The following LRRIQ1 variants were observed in gnomAD, a reference collection of about 807,000 sequenced individuals.
The protein encoded by LRRIQ1 is leucine-rich repeat- and IQ domain-containing protein 1.
In LRRIQ1, 210 loss-of-function variants were observed where a neutral mutation model predicts 211.9. The ratio of observed to expected loss-of-function variants is 0.99; its 90% CI spans 0.89 to 1.11. The LOEUF (loss-of-function observed/expected upper bound fraction) is 1.11, where lower values mean the gene tolerates loss of function less well. Ranked by LOEUF, LRRIQ1 falls within the 50% of genes most tolerant of loss-of-function variation. The probability of loss-of-function intolerance (pLI) is 0.00; values close to 1 mark genes in which losing one functional copy is unlikely to be tolerated. For synonymous variants in LRRIQ1, 699 were observed against 650.1 expected, an observed-to-expected ratio of 1.08 and a Z score of -1.14; for missense variants, 2,136 against 1,939.5, an observed-to-expected ratio of 1.10 and a Z score of -1.90.
chr12:85,087,581 T>C (rs1884958926), intron 11 of LRRIQ1, among the ~76,000 whole-genome samples: 1 of 152,208 alleles, frequency 6.6e-6, no homozygotes, highest in African/African-American at 2.4e-5. Flanking sequence ...GTGTTCCTGT[T>C]TCTCCACATC....
downstream of LRRIQ1, among the ~76,000 whole-genome samples, chr12:85,265,456 ATTC>A (rs1434508656): frequency 1.3e-5 from 2 of 152,022 alleles, no homozygotes; most frequent in Admixed American, 1.3e-4. Flanking sequence ...ATGTAATTCT[ATTC>A]TTCTTTTCAG....
intron 24 of LRRIQ1, among the ~76,000 whole-genome samples, chr12:85,172,281 A>T (rs887594116): frequency 1.3e-5 from 2 of 152,150 alleles, no homozygotes; most frequent in African/African-American, 4.8e-5. Flanking sequence ...GACACTCTGT[A>T]TTTCTGGAAT....
intron 11 of LRRIQ1, among the ~76,000 whole-genome samples, chr12:85,075,122 T>A (rs1384310954): frequency 6.6e-6 from 1 of 152,120 alleles, no homozygotes; most frequent in Non-Finnish European, 1.5e-5. Flanking sequence ...ACTCATTTGC[T>A]TTTCACATCA....
chr12:85,263,562 ATTATC>A (rs1323865655), exon 2 of LRRIQ1: 3 of 152,074 alleles, frequency 2.0e-5, no homozygotes, highest in East Asian at 3.9e-4. Context: ...TTAATTTTAA[ATTATC>A]TTAAATAGAT....
chr12:85,046,163 T>C, intron 5 of LRRIQ1, 26 bp downstream of exon 5: 1 of 1,314,136 alleles, frequency 7.6e-7, no homozygotes, highest in Non-Finnish European at 1.1e-6. Flanking sequence ...CAATGATATG[T>C]TTGTTGATTT....
At chr12:85,041,931 A>C (rs1399367280) in intron 3 of LRRIQ1, among the ~76,000 whole-genome samples, 2 of 151,886 alleles carry the variant, frequency 1.3e-5, no homozygotes, top group East Asian at 3.8e-4. Context: ...TACAAAATGA[A>C]GAAAGGAAGG....
At chr12:85,128,810 G>A (rs925557672) in intron 18 of LRRIQ1, among the ~76,000 whole-genome samples, 3 of 151,920 alleles carry the variant, frequency 2.0e-5, no homozygotes, top group Admixed American at 6.6e-5. Flanking sequence ...CCAAGACCAG[G>A]GTTTTCTTTT....
intron 1 of LRRIQ1, among the ~76,000 whole-genome samples, chr12:85,259,782 T>G (rs1896231399): frequency 6.6e-6 from 1 of 152,092 alleles, no homozygotes; most frequent in East Asian, 1.9e-4. Flanking sequence ...ATTATTTGCT[T>G]AAGGAATTAT....
intron 17 of LRRIQ1, chr12:85,124,727 T>C: frequency 2.1e-6 from 1 of 480,040 alleles, no homozygotes; most frequent in South Asian, 2.5e-5. Flanking sequence ...GATTAAATTC[T>C]CATTTAATTT....
chr12:85,073,842 T>A (rs979344276), intron 11 of LRRIQ1, among the ~76,000 whole-genome samples: 3 of 152,054 alleles, frequency 2.0e-5, no homozygotes, highest in Admixed American at 2.0e-4. Flanking sequence ...GAGATTCTGG[T>A]TGAGCTAAGT....
chr12:85,245,058 A>T lies in LRRIQ1; in HGVS notation c.*117A>T. On this transcript the variant is annotated 3_prime_UTR_variant, in exon 27 of 27. Transcript: ENST00000393217. Reference sequence around the variant, plus strand: ...GTGTATTTAAATTTTTTCTTTCTTTAAATATCCTCTTTTGATATAAACAAA... The same window carrying T: ...GTGTATTTAAATTTTTTCTTTCTTTTAATATCCTCTTTTGATATAAACAAA... The T allele has an allele frequency of 7.2e-7, 1 of 1,386,500 alleles. No individual in the cohort carries two copies. Among genetic ancestry groups the T allele is most frequent in the Non-Finnish European group, 9.5e-7 (1 of 1,050,876 alleles). The allele number at this position is 1,386,500 out of a possible 1,614,324, so 85.9% of individuals were successfully genotyped here.
chr12:85,101,422 G>A (rs1592797657), intron 13 of LRRIQ1, among the ~76,000 whole-genome samples: 1 of 151,734 alleles, frequency 6.6e-6, no homozygotes, highest in African/African-American at 2.4e-5. Flanking sequence ...CTCTAAGTAG[G>A]AGCACAAAGT....
chr12:85,183,680 A>G (rs1892096353), intron 24 of LRRIQ1, among the ~76,000 whole-genome samples: 1 of 152,178 alleles, frequency 6.6e-6, no homozygotes, highest in South Asian at 2.1e-4. Context: ...CAAGTTTTAA[A>G]TCCACTTTAG....
At chr12:85,149,724 T>A (rs1204008280) in intron 19 of LRRIQ1, among the ~76,000 whole-genome samples, 1 of 100,518 alleles carries the variant, frequency 9.9e-6, no homozygotes, top group Non-Finnish European at 1.9e-5. Context: ...TTCGTTGTCT[T>A]GGTAACATAT....
At chr12:85,111,268 A>G (rs903407444) in intron 15 of LRRIQ1, among the ~76,000 whole-genome samples, 13 of 152,132 alleles carry the variant, frequency 8.5e-5, no homozygotes, top group Non-Finnish European at 1.6e-4. Context: ...GAAGGGTACA[A>G]CTGACATATA....
intron 19 of LRRIQ1, 58 bp from the exon 20 acceptor site, chr12:85,152,222 G>T: frequency 7.0e-7 from 1 of 1,422,304 alleles, no homozygotes; most frequent in Non-Finnish European, 9.7e-7. Context: ...TGAATTAAAA[G>T]AAACATTGTA....
intron 11 of LRRIQ1, among the ~76,000 whole-genome samples, chr12:85,087,286 T>C (rs1054391233): frequency 1.3e-5 from 2 of 152,226 alleles, no homozygotes; most frequent in Admixed American, 1.3e-4. Context: ...CATTTTTTTA[T>C]TACTGCATAG....
chr12:85,220,609 G>C (rs1894353742), intron 24 of LRRIQ1, among the ~76,000 whole-genome samples: 1 of 149,512 alleles, frequency 6.7e-6, no homozygotes, highest in Non-Finnish European at 1.5e-5. Context: ...CTTTTTTTTG[G>C]TTTTGTGTTT....
intron 13 of LRRIQ1, 106 bp downstream of exon 13, chr12:85,099,100 A>G: frequency 1.6e-6 from 1 of 638,930 alleles, no homozygotes; most frequent in Non-Finnish European, 2.4e-6. Flanking sequence ...ATTCAATGAG[A>G]TTGCATCAAA....
Sources: allele counts gnomAD v4.1 joint callset (sites outside exome capture counted in the v4.1 genomes callset), GRCh38; gene constraint gnomAD v4.1.1; transcripts MANE v1.5; gene names NCBI Gene and HGNC (gene_info 2026-07-23, HGNC 2026-07-21).